BICD2: variants seen among roughly 807,000 people sequenced by gnomAD.
The protein encoded by BICD2 is BICD cargo adaptor 2.
In BICD2, 25 loss-of-function variants were observed where a neutral mutation model predicts 72.9. The observed-to-expected ratio is 0.34, with a 90% CI of 0.25 to 0.48. The LOEUF (loss-of-function observed/expected upper bound fraction) is 0.48. Ranked by LOEUF, BICD2 falls within the 20% of genes least tolerant of loss-of-function variation. The probability of loss-of-function intolerance (pLI) is 0.99; values close to 1 mark genes in which losing one functional copy is unlikely to be tolerated. For missense variants in BICD2, 894 were observed against 1,175.2 expected, an observed-to-expected ratio of 0.76 and a Z score of 3.50; for synonymous variants, 501 against 516.1, an observed-to-expected ratio of 0.97 and a Z score of 0.40.
chr9:92,763,784 C>T lies in BICD2; in HGVS notation c.240+721G>A, dbSNP rs575551527. ...CAGCAAGCCACAGCGAGGGGAAGGG[C>T]CCGAGAAGCGGGGCTGGACAGGAAG... On this transcript the variant is annotated intron_variant, in intron 1 of 6. Coordinates refer to ENST00000356884, the MANE Select transcript of BICD2 (RefSeq NM_001003800.2). Among the ~76,000 whole-genome samples, 3 of 152,292 alleles carry T rather than the reference C, an allele frequency of 2.0e-5. No homozygotes were observed. The South Asian group carries it at 6.2e-4, about 32-fold the overall frequency.
intron 1 of BICD2, among the ~76,000 whole-genome samples, chr9:92,750,048 T>G (rs1046311124): frequency 6.6e-6 from 1 of 152,212 alleles, no homozygotes; most frequent in Non-Finnish European, 1.5e-5. Flanking sequence ...TTCACCTTAT[T>G]AGCACTGTTT....
Position 92,711,538 on chromosome 9 carries a change from A to C in BICD2, c.*3616T>G, listed in dbSNP as rs1398404327. The C allele has an allele frequency of 2.6e-5, 4 of 152,620 alleles. No homozygotes were observed. Among genetic ancestry groups the C allele is most frequent in the Non-Finnish European group, 5.9e-5 (4 of 68,036 alleles). The allele number at this position is 152,620 out of a possible 1,614,324, so 9.5% of individuals were successfully genotyped here. A position where few individuals can be genotyped will look rare whatever the true frequency, so the allele number is the denominator to read the frequency against. ...TCCATGCTCTGCCTCATTTTCTCAG[A>C]AATTGAAGGCATTTGATTATTATTT... On this transcript the variant is annotated 3_prime_UTR_variant, in exon 7 of 7. Coordinates refer to ENST00000356884, the MANE Select transcript of BICD2 (RefSeq NM_001003800.2).
chr9:92,746,035 G>A (rs1854006398), intron 1 of BICD2, among the ~76,000 whole-genome samples: 1 of 152,200 alleles, frequency 6.6e-6, no homozygotes, highest in African/African-American at 2.4e-5. Flanking sequence ...ACTGAGATCT[G>A]GCTAAAGCCA....
rs1853208715 is a variant in BICD2, at chr9:92,712,254, A to G, written c.*2900T>C. 6.6e-6 allele frequency: 1 copy of G among 152,630 alleles called. No homozygotes were observed. The allele number at this position is 152,630 out of a possible 1,614,324, so 9.5% of individuals were successfully genotyped here. On this transcript the variant is annotated 3_prime_UTR_variant, in exon 7 of 7. Transcript: ENST00000356884. ...CCCCTGAATTTGCAAGTAAAGAATC[A>G]CTGACTAACAGAATTTTGCACAATG...
At chr9:92,737,309 T>C (rs886795758) in intron 1 of BICD2, among the ~76,000 whole-genome samples, 5 of 152,148 alleles carry the variant, frequency 3.3e-5, no homozygotes, top group African/African-American at 7.2e-5. Flanking sequence ...CCCCTGACGA[T>C]AGGAGCTTTA....
At chr9:92,735,985 G>A (rs554809560) in intron 1 of BICD2, among the ~76,000 whole-genome samples, 3 of 152,214 alleles carry the variant, frequency 2.0e-5, no homozygotes, top group Non-Finnish European at 4.4e-5. Flanking sequence ...CCCATTAGCT[G>A]TGGAACTGAT....
Position 92,722,772 on chromosome 9 carries a change from G to A in BICD2, c.490C>T (p.Arg164Trp), listed in dbSNP as rs750161755. The change falls in exon 3 of 7, where the codon CGG becomes TGG. Residue 164 changes from arginine (R) to tryptophan (W), a missense_variant. Physicochemically the swap from Arg to Trp is moderately radical, Grantham distance 101 (BLOSUM62 -3). Coordinates refer to ENST00000356884, the MANE Select transcript of BICD2 (RefSeq NM_001003800.2). ...AATTTGTACTCCTTGATGTCATCCCGCAGGCGGCCACGCTGGATCTCCACA... is the reference window on the plus strand; with the variant it reads ...AATTTGTACTCCTTGATGTCATCCCACAGGCGGCCACGCTGGATCTCCACA... The part of the protein sequence containing the change: ...QNVEIQRGRL[R>W]DDIKEYKFRE... 1 of 1,613,574 alleles carries A rather than the reference G, an allele frequency of 6.2e-7. No homozygotes were observed. The highest frequency in any genetic ancestry group is 8.5e-7 in the Non-Finnish European group (1 of 1,179,868).
At chr9:92,724,482 G>A (rs187832396) in intron 2 of BICD2, among the ~76,000 whole-genome samples, 2 of 152,314 alleles carry the variant, frequency 1.3e-5, no homozygotes, top group Admixed American at 1.3e-4. Context: ...GCAAATGGAC[G>A]CAGACATGGC....
chr9:92,737,057 C>T (rs1016905870), intron 1 of BICD2, among the ~76,000 whole-genome samples: 1 of 151,790 alleles, frequency 6.6e-6, no homozygotes, highest in East Asian at 1.9e-4. Context: ...TGAGCACGGG[C>T]CCATCTGTGC....
At chr9:92,721,304 C>G (rs894138016) in intron 3 of BICD2, among the ~76,000 whole-genome samples, 2 of 152,136 alleles carry the variant, frequency 1.3e-5, no homozygotes, top group African/African-American at 4.8e-5. Context: ...GGAACAGAAA[C>G]TCCCCGCAAG....
In BICD2 at chr9:92,722,817, G is replaced by T. The variant is rs973771496; in HGVS notation, c.454-9C>A. The T allele has an allele frequency of 2.5e-6, 4 of 1,614,064 alleles. No individual in the cohort carries two copies. Among genetic ancestry groups the T allele is most frequent in the Middle Eastern group, 1.7e-4 (1 of 6,060 alleles). ...TCCACATTCTGGTTGATCTGTTGGG[G>T]GAGAGGGAAAGGCAGGTATGAGCAG... On this transcript the variant is annotated splice_polypyrimidine_tract_variant and intron_variant, in intron 2 of 6. Coordinates refer to ENST00000356884, the MANE Select transcript of BICD2 (RefSeq NM_001003800.2).
intron 2 of BICD2, among the ~76,000 whole-genome samples, chr9:92,728,558 G>A (rs964058272): frequency 1.3e-5 from 2 of 152,164 alleles, no homozygotes; most frequent in Non-Finnish European, 1.5e-5. Flanking sequence ...TCTCAGACAC[G>A]CACACCCTAC....
chr9:92,744,714 G>A (rs1033610647), intron 1 of BICD2, among the ~76,000 whole-genome samples: 2 of 152,014 alleles, frequency 1.3e-5, no homozygotes, highest in South Asian at 2.1e-4. Flanking sequence ...GGTGGCACGC[G>A]CCTGTAGACC....
At chr9:92,727,883 C>G (rs1166679367) in intron 2 of BICD2, among the ~76,000 whole-genome samples, 1 of 152,206 alleles carries the variant, frequency 6.6e-6, no homozygotes, top group Non-Finnish European at 1.5e-5. Context: ...GCCCCAGGGA[C>G]AGGCACGGGG....
Position 92,729,195 on chromosome 9 carries a change from A to C in BICD2, c.282T>G (p.Ala94=). The part of the protein sequence containing the change: ...QAHTNHKKVA[A]DGESREESLI... ...GGCTCTCCTCCCGGCTCTCTCCGTC[A>C]GCAGCCACCTTCTTGTGGTTTGTGT... is the stretch of plus-strand genomic sequence containing the variant. The change falls in exon 2 of 7, where the codon GCT becomes GCG. Residue 94 remains alanine, a synonymous_variant. Coordinates refer to ENST00000356884, the MANE Select transcript of BICD2 (RefSeq NM_001003800.2). 1 of 1,614,220 alleles carries C rather than the reference A, an allele frequency of 6.2e-7. No individual in the cohort carries two copies. The highest frequency in any genetic ancestry group is 8.5e-7 in the Non-Finnish European group (1 of 1,180,046).
Position 92,715,407 on chromosome 9 carries a change from T to C in BICD2, c.2315A>G (p.Glu772Gly), listed in dbSNP as rs1564058069. The change falls in exon 7 of 7, where the codon GAG becomes GGG. Residue 772 changes from glutamate (E) to glycine (G), a missense_variant. Glu to Gly is a moderately conservative substitution (Grantham distance 98). This residue lies in a region of BICD2 where 321 missense variants were observed against 443.9 expected (regional missense o/e 0.72). Transcript: ENST00000356884. ...CGAGTTCAGCGTCTTCTTCTCGTCC[T>C]CAGCAGCCGCCAGCTGCCGCTGCAT... is the stretch of plus-strand genomic sequence containing the variant. ...DEMQRQLAAAEDEKKTLNSLL... is the reference protein window; with the variant it reads ...DEMQRQLAAAGDEKKTLNSLL... 1 of 1,605,706 alleles carries C rather than the reference T, an allele frequency of 6.2e-7. No individual in the cohort carries two copies. The highest frequency in any genetic ancestry group is 8.5e-7 in the Non-Finnish European group (1 of 1,173,712).
Position 92,741,144 on chromosome 9 carries a change from A to C in BICD2, c.241-11908T>G, listed in dbSNP as rs549803068. 3.3e-5 allele frequency among the ~76,000 whole-genome samples: 5 copies of C among 152,344 alleles called. No homozygotes were observed. The South Asian group carries it at 8.3e-4, about 25-fold the overall frequency. ...TCTAAGGGAGAAGAAAAGACATTAC[A>C]AACTCAACGGGAATGTTCAGCAGGT... On this transcript the variant is annotated intron_variant, in intron 1 of 6. Coordinates refer to ENST00000356884, the MANE Select transcript of BICD2 (RefSeq NM_001003800.2).
chr9:92,715,272 G>A lies in BICD2; in HGVS notation c.2450C>T (p.Thr817Ile), dbSNP rs1215043506. ...RRGRAKAAPK[T>I]KPATPSVSHT... ...ACTTACGCTCGGTGTGGCTGGCTTG[G>A]TCTTCGGGGCGGCTTTGGCACGGCC... Residue 817 changes from threonine (T) to isoleucine (I), a missense_variant, in exon 7 of 7, where the codon ACC (threonine) becomes ATC (isoleucine). Around this residue, in one of 5 missense-constraint regions of BICD2, gnomAD observed 321 missense variants for 443.9 expected, o/e 0.72. Transcript: ENST00000356884. 5 of 1,612,906 alleles carry A rather than the reference G, an allele frequency of 3.1e-6. No individual in the cohort carries two copies. In the Admixed American group the frequency reaches 8.3e-5, roughly 27 times the overall value.
rs952170458 is a variant in BICD2, at chr9:92,729,922, A to T, written c.241-686T>A. Among the ~76,000 whole-genome samples, 3 of 152,338 alleles carry T rather than the reference A, an allele frequency of 2.0e-5. No individual in the cohort carries two copies. The South Asian group carries it at 6.2e-4, about 32-fold the overall frequency. On this transcript the variant is annotated intron_variant, in intron 1 of 6. Coordinates refer to ENST00000356884, the MANE Select transcript of BICD2 (RefSeq NM_001003800.2). ...GGGAGGAGACCTTATGGGTGAGATC[A>T]ACCAGAAAGGGGTGCTCACCTAGCC...
Sources: gnomAD v4.1 joint callset for allele counts (sites outside exome capture counted in the v4.1 genomes callset) on GRCh38, gnomAD v4.1.1 for gene constraint, gnomAD v4.1.1 regional missense constraint, MANE v1.5 for transcripts, NCBI Gene and HGNC (gene_info 2026-07-23, HGNC 2026-07-21) for gene names.